Variants in WDR41 observed in about 807,000 individuals in gnomAD.
The protein encoded by WDR41 is WD repeat domain 41.
In WDR41, 63 loss-of-function variants were observed where a neutral mutation model predicts 69.3. That is an observed-to-expected ratio of 0.91 (90% CI 0.74 to 1.12). The LOEUF (loss-of-function observed/expected upper bound fraction) is 1.12. WDR41 is among the 50% of genes most tolerant of loss of function. The pLI is 0.00. For synonymous variants in WDR41, 185 were observed against 192.1 expected, an observed-to-expected ratio of 0.96 and a Z score of 0.31; for missense variants, 543 against 534.5, an observed-to-expected ratio of 1.02 and a Z score of -0.16.
At chr5:77,558,094 T>TTTAAAAAAAAAAAAAAA (rs1554036365) in intron 1 of WDR41, among the ~76,000 whole-genome samples, 1 of 104,280 alleles carries the variant, frequency 9.6e-6, no homozygotes, top group Admixed American at 1.0e-4. Context: ...ATGTTCTTTT[T>TTTAAAAAAAAAAAAAAA]AAAAAAAAAA....
At chr5:77,610,165 C>A (rs1744518084) in intron 1 of WDR41, among the ~76,000 whole-genome samples, 1 of 151,932 alleles carries the variant, frequency 6.6e-6, no homozygotes, top group Non-Finnish European at 1.5e-5. Flanking sequence ...TGTGAAAAGA[C>A]CAAATCTATG....
intron 1 of WDR41, among the ~76,000 whole-genome samples, chr5:77,550,596 G>A (rs971709286): frequency 2.0e-5 from 3 of 152,194 alleles, no homozygotes; most frequent in Non-Finnish European, 2.9e-5. Flanking sequence ...ATGCTGGCAA[G>A]CCTGTGGAGA....
At chr5:77,447,906 A>G (rs961833540) in intron 8 of WDR41, among the ~76,000 whole-genome samples, 1 of 152,224 alleles carries the variant, frequency 6.6e-6, no homozygotes, top group African/African-American at 2.4e-5. Context: ...AAGATAGTAA[A>G]AAACAGTAAA....
chr5:77,501,839 C>A (rs1802021865), intron 1 of WDR41, among the ~76,000 whole-genome samples: 1 of 151,008 alleles, frequency 6.6e-6, no homozygotes, highest in Non-Finnish European at 1.5e-5. Flanking sequence ...ATAGCATCAA[C>A]ATCAAAAAGG....
chr5:77,610,151 A>T (rs200578776), intron 1 of WDR41, among the ~76,000 whole-genome samples: 11 of 152,078 alleles, frequency 7.2e-5, no homozygotes, highest in East Asian at 3.9e-4. Flanking sequence ...GAAATATGGG[A>T]CTATGTGAAA....
rs192619296 is a variant in WDR41 at position 77,455,236 on chromosome 5, T to G, written c.412-1308A>C. ...CTTGCATTTCTCTAATGACTAATGA[T>G]GTTGAACCTCTTTTTCATGTGCTTA... is the stretch of plus-strand genomic sequence containing the variant. On this transcript the variant is annotated intron_variant, in intron 5 of 12. Coordinates refer to ENST00000296679, the MANE Select transcript of WDR41 (RefSeq NM_018268.4). Among the ~76,000 whole-genome samples the G allele has an allele frequency of 5.9e-5, 9 of 152,362 alleles. No individual in the cohort carries two copies. The East Asian group carries it at 1.7e-3, about 29-fold the overall frequency.
chr5:77,578,902 T>C (rs1743885099), intron 1 of WDR41, among the ~76,000 whole-genome samples: 1 of 145,618 alleles, frequency 6.9e-6, no homozygotes, highest in East Asian at 2.0e-4. Context: ...AAGAAAGGTA[T>C]GATCATAGTG....
intron 11 of WDR41, among the ~76,000 whole-genome samples, 168 bp from the exon 12 acceptor site, chr5:77,436,562 T>G (rs569872654): frequency 1.4e-3 from 213 of 152,242 alleles, no homozygotes; most frequent in Non-Finnish European, 2.2e-3. Context: ...TATTTCATCT[T>G]TCTTAGCTAA....
chr5:77,505,059 C>G (rs1221772071), intron 1 of WDR41, among the ~76,000 whole-genome samples: 2 of 152,056 alleles, frequency 1.3e-5, no homozygotes, highest in African/African-American at 4.8e-5. Context: ...AAAGGGTATT[C>G]AATTAGGAAA....
intron 1 of WDR41, among the ~76,000 whole-genome samples, chr5:77,556,346 C>T (rs2112249671): frequency 6.6e-6 from 1 of 151,770 alleles, no homozygotes; most frequent in East Asian, 1.9e-4. Context: ...CTCAAGTAAT[C>T]CACCCACCTT....
intron 1 of WDR41, among the ~76,000 whole-genome samples, chr5:77,527,696 A>G (rs1802469239): frequency 6.6e-6 from 1 of 151,904 alleles, no homozygotes; most frequent in African/African-American, 2.4e-5. Context: ...TGTGTTGCAA[A>G]GCAAGTCTCC....
At chr5:77,455,806 A>AT (rs1196917099) in intron 5 of WDR41, among the ~76,000 whole-genome samples, 1 of 152,152 alleles carries the variant, frequency 6.6e-6, no homozygotes, top group Non-Finnish European at 1.5e-5. Flanking sequence ...ATTGATCTGC[A>AT]TGTCTGTCAT....
intron 1 of WDR41, among the ~76,000 whole-genome samples, chr5:77,609,921 C>A (rs1285931596): frequency 2.7e-5 from 4 of 148,870 alleles, no homozygotes; most frequent in African/African-American, 7.4e-5. Flanking sequence ...AAAATTTAGA[C>A]GAATGTATAA....
At chr5:77,492,424 G>A (rs563019405), upstream of WDR41, 2 of 587,954 alleles carry the variant, frequency 3.4e-6, no homozygotes, top group East Asian at 3.4e-5. Context: ...CAGCCACGGA[G>A]GCTTAGTTTG....
intron 1 of WDR41, chr5:77,583,051 C>T (rs1743970476): frequency 6.3e-7 from 1 of 1,596,404 alleles, no homozygotes; most frequent in African/African-American, 1.3e-5. Flanking sequence ...AAAGACCACC[C>T]ATTTTGTAGA....
chr5:77,608,125 A>G (rs1440558609), intron 1 of WDR41, among the ~76,000 whole-genome samples: 1 of 152,218 alleles, frequency 6.6e-6, no homozygotes, highest in East Asian at 1.9e-4. Context: ...TTCTGTCTCT[A>G]TAAATTTGAC....
chr5:77,465,155 T>C (rs570352469), intron 2 of WDR41, among the ~76,000 whole-genome samples: 2 of 152,154 alleles, frequency 1.3e-5, no homozygotes, highest in Admixed American at 6.6e-5. Context: ...CAGGAAGTGA[T>C]ATTCTAGGAA....
At chr5:77,566,554 C>G (rs1159429673) in intron 1 of WDR41, among the ~76,000 whole-genome samples, 2 of 152,080 alleles carry the variant, frequency 1.3e-5, no homozygotes, top group African/African-American at 4.8e-5. Context: ...AGAGAGTTTC[C>G]TTTTCAATAT....
intron 2 of WDR41, among the ~76,000 whole-genome samples, chr5:77,474,741 G>C (rs554949133): frequency 3.9e-5 from 6 of 152,244 alleles, no homozygotes; most frequent in African/African-American, 1.4e-4. Flanking sequence ...TAAAACATTT[G>C]GTAAGTTCTT....
Sources: gnomAD v4.1 joint callset for allele counts (sites outside exome capture counted in the v4.1 genomes callset) on GRCh38, gnomAD v4.1.1 for gene constraint, MANE v1.5 for transcripts, NCBI Gene and HGNC (gene_info 2026-07-23, HGNC 2026-07-21) for gene names.